Variants in GNG12 observed in about 807,000 individuals in gnomAD.
GNG12 encodes guanine nucleotide-binding protein G(I)/G(S)/G(O) subunit gamma-12.
For synonymous variants in GNG12, 28 were observed against 29.7 expected (o/e 0.94, Z 0.19); for missense variants, 69 against 83.8 (o/e 0.82, Z 0.69).
At chr1:67,784,331 G>A (rs532525442) in intron 1 of GNG12, among the ~76,000 whole-genome samples, 7 of 116,172 alleles carry the variant, frequency 6.0e-5, no homozygotes, top group Non-Finnish European at 1.2e-4. Context: ...TGGGGGGAGG[G>A]GGGAGGGATA....
chr1:67,707,908 T>G (rs1646259621), intron 2 of GNG12, among the ~76,000 whole-genome samples, 196 bp from the exon 3 acceptor site: 1 of 152,222 alleles, frequency 6.6e-6, no homozygotes, highest in East Asian at 1.9e-4. Context: ...TTTGAGCACC[T>G]ACATAAATCT....
chr1:67,788,269 AGTT>A (rs749958064), intron 1 of GNG12, among the ~76,000 whole-genome samples: 8 of 152,326 alleles, frequency 5.3e-5, no homozygotes, highest in African/African-American at 7.2e-5. Context: ...GTCTGAAATT[AGTT>A]GTTGTTGTTG....
chr1:67,798,129 G>C (rs1646842827), intron 1 of GNG12, among the ~76,000 whole-genome samples: 1 of 152,120 alleles, frequency 6.6e-6, no homozygotes, highest in Non-Finnish European at 1.5e-5. Flanking sequence ...CCAACTCCCA[G>C]GCATGGACTG....
At chr1:67,779,789 G>A (rs755257401) in intron 1 of GNG12, among the ~76,000 whole-genome samples, 2 of 152,176 alleles carry the variant, frequency 1.3e-5, no homozygotes, top group African/African-American at 4.8e-5. Context: ...GGACTTCATC[G>A]TGTGAATATC....
intron 2 of GNG12, among the ~76,000 whole-genome samples, chr1:67,720,450 G>T (rs901993580): frequency 5.9e-5 from 9 of 152,198 alleles, no homozygotes; most frequent in African/African-American, 2.2e-4. Flanking sequence ...ATAGCAAGAC[G>T]GCTGACAAAA....
chr1:67,715,831 G>A (rs544161940), intron 2 of GNG12, among the ~76,000 whole-genome samples: 2 of 152,316 alleles, frequency 1.3e-5, no homozygotes, highest in Non-Finnish European at 2.9e-5. Flanking sequence ...TAAATCTGTT[G>A]CTTTGTAAAC....
At chr1:67,774,796 C>A (rs529039864) in intron 2 of GNG12, among the ~76,000 whole-genome samples, 19 of 152,212 alleles carry the variant, frequency 1.2e-4, no homozygotes, top group Middle Eastern at 3.4e-3. Flanking sequence ...AGCATAGTGT[C>A]TTTTCTCTTT....
chr1:67,770,816 C>T (rs1311244754), intron 2 of GNG12, among the ~76,000 whole-genome samples: 1 of 152,220 alleles, frequency 6.6e-6, no homozygotes, highest in Non-Finnish European at 1.5e-5. Flanking sequence ...GACCCCACAA[C>T]CTGGAGAGAC....
At chr1:67,770,105 G>T (rs539928473) in intron 2 of GNG12, among the ~76,000 whole-genome samples, 1 of 152,308 alleles carries the variant, frequency 6.6e-6, no homozygotes, top group East Asian at 1.9e-4. Flanking sequence ...ACCTCAAGAT[G>T]TAACAGATGG....
intron 1 of GNG12, among the ~76,000 whole-genome samples, chr1:67,824,307 C>A (rs1646999363): frequency 6.6e-6 from 1 of 151,788 alleles, no homozygotes; most frequent in Non-Finnish European, 1.5e-5. Context: ...TCTAGGAGTT[C>A]GAGACCAGCC....
intron 1 of GNG12, among the ~76,000 whole-genome samples, chr1:67,793,677 T>A (rs903907418): frequency 6.6e-6 from 1 of 152,168 alleles, no homozygotes; most frequent in African/African-American, 2.4e-5. Flanking sequence ...ATAATGAACT[T>A]GGGAAGAGCC....
At chr1:67,815,884 C>T (rs972139178) in intron 1 of GNG12, among the ~76,000 whole-genome samples, 2 of 152,144 alleles carry the variant, frequency 1.3e-5, no homozygotes, top group Non-Finnish European at 2.9e-5. Context: ...ACTTAGAGTA[C>T]ACTCCGGCAG....
chr1:67,822,054 A>G (rs1646987804), intron 1 of GNG12, among the ~76,000 whole-genome samples: 2 of 141,844 alleles, frequency 1.4e-5, no homozygotes, highest in African/African-American at 5.4e-5. Context: ...CACTAACGAT[A>G]GCTGATGAGC....
intron 1 of GNG12, among the ~76,000 whole-genome samples, chr1:67,801,267 C>T (rs1352490008): frequency 6.6e-6 from 1 of 152,212 alleles, no homozygotes; most frequent in African/African-American, 2.4e-5. Flanking sequence ...ATTTTCTTCA[C>T]TCATGAATAT....
At chr1:67,829,170 GCTTTT>G (rs1218268168) in intron 1 of GNG12, among the ~76,000 whole-genome samples, 1 of 152,124 alleles carries the variant, frequency 6.6e-6, no homozygotes, top group Non-Finnish European at 1.5e-5. Flanking sequence ...TTTCTTCTAG[GCTTTT>G]CTTATGGTTT....
At chr1:67,705,635 G>C in intron 3 of GNG12, 59 bp from the exon 4 acceptor site, 2 of 1,561,498 alleles carry the variant, frequency 1.3e-6, no homozygotes, top group South Asian at 1.2e-5. Context: ...CACACTTTCA[G>C]AGCGTATTTG....
chr1:67,728,027 C>G (rs1646396989), intron 2 of GNG12, among the ~76,000 whole-genome samples: 1 of 152,130 alleles, frequency 6.6e-6, no homozygotes, highest in South Asian at 2.1e-4. Context: ...TATTGTTTTT[C>G]CCCTTTTAAA....
At chr1:67,749,942 C>T (rs911913440) in intron 2 of GNG12, among the ~76,000 whole-genome samples, 2 of 152,138 alleles carry the variant, frequency 1.3e-5, no homozygotes, top group African/African-American at 4.8e-5. Context: ...CAGACTCTCC[C>T]AGAAATTTAC....
At chr1:67,792,018 A>G (rs550929790) in intron 1 of GNG12, among the ~76,000 whole-genome samples, 1 of 152,030 alleles carries the variant, frequency 6.6e-6, no homozygotes. Flanking sequence ...TCTCACAGAC[A>G]CTGCAGGCCT....
Sources: gnomAD v4.1 joint callset for allele counts (sites outside exome capture counted in the v4.1 genomes callset) on GRCh38, gnomAD v4.1.1 for gene constraint, MANE v1.5 for transcripts, NCBI Gene and HGNC (gene_info 2026-07-23, HGNC 2026-07-21) for gene names.